Variants in UBE2E2 observed in about 807,000 individuals in gnomAD.
UBE2E2 encodes ubiquitin conjugating enzyme E2 E2.
In UBE2E2, 6 loss-of-function variants were observed where a neutral mutation model predicts 24.7. That is an observed-to-expected ratio of 0.24 (90% CI 0.13 to 0.48). The LOEUF is 0.48. Among genes scored for constraint, UBE2E2 ranks in the 20% least tolerant of loss-of-function variants. The pLI, the probability that UBE2E2 is intolerant of heterozygous loss-of-function variation, is 0.99. For synonymous variants in UBE2E2, 104 were observed against 83.6 expected (o/e 1.24, Z -1.33); for missense variants, 169 against 245.0 (o/e 0.69, Z 2.07).
chr3:23,355,463 G>T lies in UBE2E2; in HGVS notation c.227+138151G>T, dbSNP rs544421789. On this transcript the variant is annotated intron_variant, in intron 3 of 5. Transcript: ENST00000396703. Reference sequence around the variant, plus strand: ...AGGGAGGAGATAACTGTAGGGAGGGGTAGAAATTTTTATGGATTAAACAGC... The same window carrying T: ...AGGGAGGAGATAACTGTAGGGAGGGTTAGAAATTTTTATGGATTAAACAGC... 7.2e-4 allele frequency among the ~76,000 whole-genome samples: 110 copies of T among 152,276 alleles called. 1 individual carries two copies. Among genetic ancestry groups the T allele is most frequent in the African/African-American group, 2.6e-3 (106 of 41,548 alleles).
At chr3:23,533,994 T>C (rs1237722937) in intron 5 of UBE2E2, among the ~76,000 whole-genome samples, 1 of 152,202 alleles carries the variant, frequency 6.6e-6, no homozygotes, top group African/African-American at 2.4e-5. Flanking sequence ...CTACAGACAG[T>C]AAAGTCCAAT....
intron 3 of UBE2E2, among the ~76,000 whole-genome samples, chr3:23,283,691 T>G (rs1698535968): frequency 6.6e-6 from 1 of 152,168 alleles, no homozygotes; most frequent in South Asian, 2.1e-4. Flanking sequence ...AAATCAAGGA[T>G]GCAGTGAGCC....
intron 3 of UBE2E2, among the ~76,000 whole-genome samples, chr3:23,353,209 T>G (rs1695818367): frequency 6.6e-6 from 1 of 152,142 alleles, no homozygotes; most frequent in South Asian, 2.1e-4. Flanking sequence ...AAACTCTCAA[T>G]AAATTAGGTA....
intron 3 of UBE2E2, among the ~76,000 whole-genome samples, chr3:23,451,123 G>A (rs1698553404): frequency 1.3e-5 from 2 of 152,046 alleles, no homozygotes; most frequent in African/African-American, 4.8e-5. Context: ...TTATTAACTG[G>A]GCACGGTGGT....
At chr3:23,239,356 G>A (rs994462090) in intron 3 of UBE2E2, among the ~76,000 whole-genome samples, 2 of 152,086 alleles carry the variant, frequency 1.3e-5, no homozygotes, top group African/African-American at 4.8e-5. Flanking sequence ...TCACAACGTT[G>A]TGCAACTGTC....
At chr3:23,412,583 A>G (rs1697518432) in intron 3 of UBE2E2, among the ~76,000 whole-genome samples, 1 of 152,212 alleles carries the variant, frequency 6.6e-6, no homozygotes, top group South Asian at 2.1e-4. Context: ...AGATGTTTGG[A>G]AAATGCAGTT....
intron 3 of UBE2E2, among the ~76,000 whole-genome samples, chr3:23,244,417 G>A (rs1399175715): frequency 1.3e-5 from 2 of 152,076 alleles, no homozygotes. Flanking sequence ...TCATGCAGTT[G>A]ACTTTTCTGT....
chr3:23,395,284 A>G (rs1345254948), intron 3 of UBE2E2, among the ~76,000 whole-genome samples: 1 of 152,212 alleles, frequency 6.6e-6, no homozygotes, highest in African/African-American at 2.4e-5. Flanking sequence ...CCGGATACCA[A>G]CTAGGTCGCT....
intron 3 of UBE2E2, among the ~76,000 whole-genome samples, chr3:23,495,609 T>G (rs1699582834): frequency 6.6e-6 from 1 of 152,246 alleles, no homozygotes; most frequent in African/African-American, 2.4e-5. Context: ...TTTTCTCTAC[T>G]TTTAAGCTCT....
At chr3:23,447,095 A>C (rs3104244) in intron 3 of UBE2E2, among the ~76,000 whole-genome samples, 94,397 of 151,422 alleles carry the variant, frequency 0.62, 30,176 homozygotes, top group African/African-American at 0.76. Flanking sequence ...TATGTTACTA[A>C]ATGATGTGCA....
chr3:23,273,589 A>G (rs1200145719), intron 3 of UBE2E2, among the ~76,000 whole-genome samples: 2 of 152,108 alleles, frequency 1.3e-5, no homozygotes, highest in Admixed American at 6.5e-5. Context: ...ACATTGTTAT[A>G]ACACTGATGA....
rs188728099 is a variant in UBE2E2 at position 23,290,942 on chromosome 3, G to T, written c.227+73630G>T. Reference sequence around the variant, plus strand: ...CCGGGCATGGTGGCATGTACCTGTAGCCTGTAGTCTCAGCTACTTGGGAGG... The same window carrying T: ...CCGGGCATGGTGGCATGTACCTGTATCCTGTAGTCTCAGCTACTTGGGAGG... On this transcript the variant is annotated intron_variant, in intron 3 of 5. Transcript: ENST00000396703. Among the ~76,000 whole-genome samples the T allele has an allele frequency of 4.7e-4, 70 of 149,242 alleles. No homozygotes were observed. In the East Asian group the frequency reaches 0.011, roughly 24 times the overall value.
At chr3:23,528,647 G>A (rs987454947) in intron 4 of UBE2E2, among the ~76,000 whole-genome samples, 3 of 152,152 alleles carry the variant, frequency 2.0e-5, no homozygotes, top group East Asian at 3.8e-4. Context: ...GTGTGCACGC[G>A]TGAACCCGAT....
intron 3 of UBE2E2, among the ~76,000 whole-genome samples, chr3:23,456,774 TA>T (rs1278295967): frequency 6.6e-6 from 1 of 152,216 alleles, no homozygotes; most frequent in African/African-American, 2.4e-5. Flanking sequence ...ATTTTTGGAT[TA>T]GTAAGTGAGC....
At chr3:23,515,783 C>T (rs1694722565) in intron 4 of UBE2E2, among the ~76,000 whole-genome samples, 1 of 147,430 alleles carries the variant, frequency 6.8e-6, no homozygotes, top group Non-Finnish European at 1.5e-5. Flanking sequence ...ATAGTGAGAT[C>T]GCATCTCTAC....
intron 3 of UBE2E2, among the ~76,000 whole-genome samples, chr3:23,414,048 TC>T (rs1433943357): frequency 6.6e-6 from 1 of 152,200 alleles, no homozygotes; most frequent in African/African-American, 2.4e-5. Context: ...ATCTGCCTCA[TC>T]CCATTTATCT....
At chr3:23,385,696 A>G (rs1411876560) in intron 3 of UBE2E2, among the ~76,000 whole-genome samples, 1 of 152,220 alleles carries the variant, frequency 6.6e-6, no homozygotes, top group Non-Finnish European at 1.5e-5. Flanking sequence ...TCAAAGTCCT[A>G]CATCATGGAA....
At chr3:23,346,389 C>G (rs1398298136) in intron 3 of UBE2E2, among the ~76,000 whole-genome samples, 1 of 152,138 alleles carries the variant, frequency 6.6e-6, no homozygotes, top group East Asian at 1.9e-4. Context: ...ATCACATCAT[C>G]ACACACAGGT....
chr3:23,369,371 C>T (rs541020515), intron 3 of UBE2E2, among the ~76,000 whole-genome samples: 1 of 152,122 alleles, frequency 6.6e-6, no homozygotes, highest in African/African-American at 2.4e-5. Context: ...ATTAATAATA[C>T]ATTTCTCATG....
Sources: gnomAD v4.1 joint callset for allele counts (sites outside exome capture counted in the v4.1 genomes callset) on GRCh38, gnomAD v4.1.1 for gene constraint, MANE v1.5 for transcripts, NCBI Gene and HGNC (gene_info 2026-07-23, HGNC 2026-07-21) for gene names.